LRRD1: variants seen among roughly 807,000 people sequenced by gnomAD.
LRRD1 encodes leucine rich repeats and death domain containing 1.
LRRD1 carries 49 observed loss-of-function variants against 69.5 expected under a neutral mutation model. The observed-to-expected ratio is 0.70, with a 90% CI of 0.56 to 0.89. The LOEUF is 0.89. LRRD1 is among the 40% of genes least tolerant of loss of function. LRRD1 has a pLI of 0.00. For synonymous variants in LRRD1, 303 were observed against 338.9 expected, an observed-to-expected ratio of 0.89 and a Z score of 1.16; for missense variants, 853 against 956.0, an observed-to-expected ratio of 0.89 and a Z score of 1.42.
At chr7:92,149,838 C>A (rs751790624) in intron 4 of LRRD1, 5 of 440,662 alleles carry the variant, frequency 1.1e-5, no homozygotes, top group African/African-American at 2.0e-5. Context: ...CAGGCATGAG[C>A]CACCACACGC....
chr7:92,159,917 G>A (rs889996953), intron 2 of LRRD1, among the ~76,000 whole-genome samples: 1 of 152,040 alleles, frequency 6.6e-6, no homozygotes, highest in Non-Finnish European at 1.5e-5. Flanking sequence ...TACCTCACCA[G>A]GCCCCATTGC....
At chr7:92,170,790 T>C (rs894645843) in intron 1 of LRRD1, among the ~76,000 whole-genome samples, 2 of 152,166 alleles carry the variant, frequency 1.3e-5, no homozygotes, top group African/African-American at 4.8e-5. Context: ...ATAGACAATA[T>C]CTTAGGACAC....
intron 1 of LRRD1, 93 bp downstream of exon 1, chr7:92,178,914 G>C (rs143887558): frequency 2.2e-4 from 33 of 152,344 alleles, no homozygotes; most frequent in African/African-American, 7.9e-4. Flanking sequence ...CGTAACGTGG[G>C]ACAGCATGCA....
Position 92,163,652 on chromosome 7 carries a change from C to A in LRRD1, c.1551G>T (p.Leu517Phe). ...SFSKQLLHLE[L>F]SENKLLIFSE... ...AAAATATGAGGAGTTTGTTTTCACT[C>A]AATTCTAAATGAAGCAGTTGTTTAC... Residue 517 changes from leucine to phenylalanine, a missense_variant, in exon 2 of 6, where the codon TTG becomes TTT. Coordinates refer to ENST00000458448, the MANE Select transcript of LRRD1 (RefSeq NM_001161528.2). The A allele has an allele frequency of 6.6e-7, 1 of 1,505,670 alleles. No homozygotes were observed. The highest frequency in any genetic ancestry group is 1.3e-5 in the South Asian group (1 of 76,478). 93.3% of individuals were successfully genotyped at this position (1,505,670 alleles called of 1,614,324 possible).
chr7:92,151,337 G>A (rs1163566419), intron 3 of LRRD1, among the ~76,000 whole-genome samples: 1 of 152,152 alleles, frequency 6.6e-6, no homozygotes, highest in African/African-American at 2.4e-5. Context: ...ACCATAACTT[G>A]AATTTGTCTG....
chr7:92,148,203 A>AT (rs1820376829), intron 4 of LRRD1, among the ~76,000 whole-genome samples: 1 of 151,706 alleles, frequency 6.6e-6, no homozygotes, highest in African/African-American at 2.4e-5. Context: ...AGTTTTTAAA[A>AT]TTTTTTGTAG....
chr7:92,175,636 T>C (rs1219067497), intron 1 of LRRD1, among the ~76,000 whole-genome samples: 1 of 151,706 alleles, frequency 6.6e-6, no homozygotes, highest in Non-Finnish European at 1.5e-5. Flanking sequence ...GCAACAAGAG[T>C]GAAACTCCAT....
At chr7:92,160,318 T>G (rs1788769840) in intron 2 of LRRD1, among the ~76,000 whole-genome samples, 1 of 152,088 alleles carries the variant, frequency 6.6e-6, no homozygotes, top group African/African-American at 2.4e-5. Flanking sequence ...TAAGAAATAG[T>G]CTCCAACTTC....
Position 92,158,994 on chromosome 7 carries a change from T to C in LRRD1, c.2116+11A>G, listed in dbSNP as rs752650844. On this transcript the variant is annotated intron_variant, in intron 3 of 5. Transcript: ENST00000458448. ...TATTGATTATGCTTACTGATTATGC[T>C]TGACACTCACCACTCAGGTTTAGTT... 308 of 1,530,628 alleles carry C rather than the reference T, an allele frequency of 2.0e-4. 1 individual carries two copies. Among genetic ancestry groups the C allele is most frequent in the Non-Finnish European group, 2.6e-4 (297 of 1,140,298 alleles). 94.8% of individuals were successfully genotyped at this position (1,530,628 alleles called of 1,614,324 possible).
downstream of LRRD1, chr7:92,142,937 G>C (rs1041280677): frequency 1.3e-4 from 37 of 295,882 alleles, no homozygotes; most frequent in Non-Finnish European, 8.7e-5. Context: ...AGTGTGGAAG[G>C]GGACCGGAAC....
At chr7:92,169,067 C>A (rs1190706524) in intron 1 of LRRD1, among the ~76,000 whole-genome samples, 1 of 152,086 alleles carries the variant, frequency 6.6e-6, no homozygotes, top group African/African-American at 2.4e-5. Context: ...TACAGGCATG[C>A]ACCACCATAT....
intron 4 of LRRD1, among the ~76,000 whole-genome samples, chr7:92,147,076 T>C (rs898012225): frequency 2.0e-5 from 3 of 151,688 alleles, no homozygotes; most frequent in Non-Finnish European, 4.4e-5. Flanking sequence ...ACTTTTTTTT[T>C]TTTTTGAGAC....
intron 2 of LRRD1, among the ~76,000 whole-genome samples, chr7:92,161,969 G>A (rs1189910614): frequency 2.0e-5 from 3 of 152,168 alleles, no homozygotes; most frequent in African/African-American, 7.2e-5. Context: ...TAATAAAAAA[G>A]AGAGAGTTAA....
chr7:92,142,647 C>T (rs1490767713), downstream of LRRD1: 13 of 413,560 alleles, frequency 3.1e-5, no homozygotes, highest in South Asian at 2.0e-4. Context: ...GAGTTTGTTC[C>T]TTCTGATGTT....
At chr7:92,151,909 A>T (rs1301093256) in intron 3 of LRRD1, among the ~76,000 whole-genome samples, 1 of 151,100 alleles carries the variant, frequency 6.6e-6, no homozygotes, top group Non-Finnish European at 1.5e-5. Context: ...AGATAATGCC[A>T]TTGCACTCCA....
chr7:92,175,501 AGCTGGGCATGGTGGCGCACG>A (rs1421578519), intron 1 of LRRD1, among the ~76,000 whole-genome samples: 2 of 152,112 alleles, frequency 1.3e-5, no homozygotes, highest in East Asian at 3.9e-4. Context: ...TGCAAAAATT[AGCTGGGCATGGTGGCGCACG>A]GCTGTAATCC....
Position 92,164,354 on chromosome 7 carries a change from C to A in LRRD1, c.849G>T (p.Arg283Ser), listed in dbSNP as rs929345813. The A allele has an allele frequency of 1.3e-6, 2 of 1,549,388 alleles. No individual in the cohort carries two copies. The highest frequency in any genetic ancestry group is 1.7e-6 in the Non-Finnish European group (2 of 1,146,350). ...PDTLPSLKTL[R>S]VLNLEYNQLT... ...ACTGATTATATTCCAAATTGAGAAC[C>A]CTCAAGGTTTTTAAACTAGGCAGAG... is the stretch of plus-strand genomic sequence containing the variant. Residue 283 changes from arginine to serine, a missense_variant, in exon 2 of 6, where the codon AGG (arginine) becomes AGT (serine). Around this residue, in one of 3 missense-constraint regions of LRRD1, gnomAD observed 739 missense variants for 808.0 expected, o/e 0.91. Transcript: ENST00000458448.
downstream of LRRD1, among the ~76,000 whole-genome samples, chr7:92,143,966 G>T (rs932746714): frequency 6.6e-6 from 1 of 152,220 alleles, no homozygotes; most frequent in Non-Finnish European, 1.5e-5. Flanking sequence ...TGGAGTAGGG[G>T]AAGAGACTTA....
chr7:92,145,962 T>C, intron 5 of LRRD1, 121 bp downstream of exon 5: 1 of 536,572 alleles, frequency 1.9e-6, no homozygotes. Flanking sequence ...TAAACTAAAA[T>C]CAGCTTTCTA....
Sources: gnomAD v4.1 joint callset for allele counts (sites outside exome capture counted in the v4.1 genomes callset) on GRCh38, gnomAD v4.1.1 for gene constraint, gnomAD v4.1.1 regional missense constraint, MANE v1.5 for transcripts, NCBI Gene and HGNC (gene_info 2026-07-23, HGNC 2026-07-21) for gene names.